Variants in METTL21A observed in about 807,000 individuals in gnomAD.
METTL21A encodes protein N-lysine methyltransferase METTL21A.
In METTL21A, 22 loss-of-function variants were observed where a neutral mutation model predicts 20.9. The ratio of observed to expected loss-of-function variants is 1.05; its 90% CI spans 0.75 to 1.50. The LOEUF is 1.50. Ranked by LOEUF, METTL21A falls within the 40% of genes most tolerant of loss-of-function variation. The pLI is 0.00. For synonymous variants in METTL21A, 93 were observed against 102.0 expected (o/e 0.91, Z 0.53); for missense variants, 271 against 266.8 (o/e 1.02, Z -0.11).
At chr2:207,603,833 T>G (rs1472934119) in intron 3 of METTL21A, among the ~76,000 whole-genome samples, 3 of 152,194 alleles carry the variant, frequency 2.0e-5, no homozygotes, top group Admixed American at 6.5e-5. Context: ...ATGGTTAATC[T>G]TTGCTTAAGC....
chr2:207,622,038 A>G (rs1018586524), intron 2 of METTL21A, 121 bp from the exon 3 acceptor site: 1 of 780,032 alleles, frequency 1.3e-6, no homozygotes, highest in African/African-American at 1.7e-5. Flanking sequence ...GCTTAACAAC[A>G]CACACAGGAA....
At chr2:207,591,599 AT>A (rs2085045879) in intron 3 of METTL21A, among the ~76,000 whole-genome samples, 1 of 151,890 alleles carries the variant, frequency 6.6e-6, no homozygotes, top group African/African-American at 2.4e-5. Flanking sequence ...CACCCAGCTA[AT>A]TTTTGTATTT....
intron 3 of METTL21A, among the ~76,000 whole-genome samples, chr2:207,591,566 A>G (rs1289543254): frequency 6.6e-6 from 1 of 152,038 alleles, no homozygotes. Flanking sequence ...CAAAATAGCT[A>G]GGATTACAGG....
chr2:207,617,853 C>T (rs770727376), intron 3 of METTL21A, among the ~76,000 whole-genome samples: 6 of 151,984 alleles, frequency 3.9e-5, no homozygotes, highest in Non-Finnish European at 7.4e-5. Context: ...AAGACGGAAT[C>T]AGTGGGACTC....
chr2:207,602,788 T>G (rs2087311136), intron 3 of METTL21A: 1 of 215,802 alleles, frequency 4.6e-6, no homozygotes, highest in South Asian at 1.9e-4. Flanking sequence ...ACATTTTTTT[T>G]GAGTATAGAT....
At position 207,599,255 on chromosome 2, in the gene METTL21A, G is replaced by A. The variant is rs1237668050; in HGVS notation, c.260-17095C>T. The A allele has an allele frequency of 1.5e-5, 3 of 201,864 alleles. No individual in the cohort carries two copies. The East Asian group carries it at 2.3e-4, about 16-fold the overall frequency. 12.5% of individuals were successfully genotyped at this position (201,864 alleles called of 1,614,324 possible). The stretch of plus-strand genomic sequence containing the variant: ...AAAAATTGTGTAACCGCATAGATAT[G>A]TCATTTTTAAAAACTGGTTTAACAG... On this transcript the variant is annotated intron_variant, in intron 3 of 3. Coordinates refer to the METTL21A transcript ENST00000425132.
At chr2:207,589,896 T>C (rs2084635949) in intron 3 of METTL21A, among the ~76,000 whole-genome samples, 1 of 152,156 alleles carries the variant, frequency 6.6e-6, no homozygotes, top group South Asian at 2.1e-4. Flanking sequence ...ATGGCTAATA[T>C]GGGATTTTAG....
chr2:207,616,707 G>T (rs766121999), intron 3 of METTL21A, among the ~76,000 whole-genome samples: 1 of 152,122 alleles, frequency 6.6e-6, no homozygotes, highest in African/African-American at 2.4e-5. Context: ...TTAGCCAGGC[G>T]TGGTGGCAGG....
downstream of METTL21A, among the ~76,000 whole-genome samples, chr2:207,606,854 T>C (rs1405091954): frequency 3.9e-5 from 6 of 152,212 alleles, no homozygotes; most frequent in Admixed American, 3.9e-4. Flanking sequence ...ATGCTTCCCA[T>C]AAATAGCAAT....
intron 3 of METTL21A, among the ~76,000 whole-genome samples, chr2:207,616,922 G>C (rs2089834527): frequency 6.6e-6 from 1 of 152,196 alleles, no homozygotes; most frequent in African/African-American, 2.4e-5. Flanking sequence ...ACCAGGGACA[G>C]TGGAAGGCTG....
intron 3 of METTL21A, among the ~76,000 whole-genome samples, chr2:207,582,480 T>C (rs1285949522): frequency 6.6e-6 from 1 of 152,230 alleles, no homozygotes; most frequent in East Asian, 1.9e-4. Context: ...TCCAATACTA[T>C]TGTTATTTAT....
intron 3 of METTL21A, chr2:207,597,079 C>A: frequency 6.3e-7 from 1 of 1,581,040 alleles, no homozygotes; most frequent in Non-Finnish European, 8.6e-7. Context: ...AAATTTTCAC[C>A]TGTTAAGGTG....
At chr2:207,621,952 C>A in intron 2 of METTL21A, 35 bp from the exon 3 acceptor site, 1 of 1,584,222 alleles carries the variant, frequency 6.3e-7, no homozygotes, top group South Asian at 1.1e-5. Flanking sequence ...CGATTAAGGT[C>A]AACATGTGCT....
At chr2:207,595,653 C>T (rs1330592879) in intron 3 of METTL21A, among the ~76,000 whole-genome samples, 2 of 152,126 alleles carry the variant, frequency 1.3e-5, no homozygotes, top group African/African-American at 4.8e-5. Context: ...AACCTAAGAC[C>T]TCCTGGGCTT....
intron 3 of METTL21A, chr2:207,597,099 C>G: frequency 1.3e-6 from 2 of 1,546,166 alleles, no homozygotes; most frequent in Non-Finnish European, 1.7e-6. Context: ...GGAAAATGGA[C>G]TGGCTTGGCC....
At chr2:207,581,667 C>A (rs1574905361), downstream of METTL21A, 6 of 482,338 alleles carry the variant, frequency 1.2e-5, no homozygotes, top group East Asian at 1.6e-4. Context: ...TTCCGGATAC[C>A]CTTCATCCAG....
downstream of METTL21A, among the ~76,000 whole-genome samples, chr2:207,606,913 G>C (rs778835411): frequency 6.6e-6 from 1 of 152,082 alleles, no homozygotes; most frequent in Non-Finnish European, 1.5e-5. Context: ...TGGTAATTTT[G>C]TTATTCAGCA....
intron 2 of METTL21A, among the ~76,000 whole-genome samples, chr2:207,622,583 C>A (rs1247501701): frequency 6.6e-6 from 1 of 152,186 alleles, no homozygotes; most frequent in Non-Finnish European, 1.5e-5. Context: ...GTTCCTAAAC[C>A]AAACTCAGGT....
chr2:207,582,149 A>G (rs1164337932), exon 4 of METTL21A: 1 of 702,860 alleles, frequency 1.4e-6, no homozygotes. Context: ...GAGGAGAATT[A>G]AATTCCACCT....
Sources: gnomAD v4.1 joint callset for allele counts (sites outside exome capture counted in the v4.1 genomes callset) on GRCh38, gnomAD v4.1.1 for gene constraint, MANE v1.5 for transcripts, NCBI Gene and HGNC (gene_info 2026-07-23, HGNC 2026-07-21) for gene names.